Variants in CFAP251 observed in about 807,000 individuals in gnomAD.
CFAP251 encodes cilia- and flagella-associated protein 251.
In CFAP251, 93 loss-of-function variants were observed where a neutral mutation model predicts 126.7. The ratio of observed to expected loss-of-function variants is 0.73; its 90% confidence interval spans 0.62 to 0.87. CFAP251 has a LOEUF of 0.87. Among genes scored for constraint, CFAP251 ranks in the 40% least tolerant of loss-of-function variants. CFAP251 has a pLI of 0.00. For missense variants in CFAP251, 1,287 were observed against 1,389.2 expected (o/e 0.93, Z 1.17); for synonymous variants, 503 against 506.9 (o/e 0.99, Z 0.10).
At chr12:121,939,891 GTTA>G (rs1425614594) in intron 5 of CFAP251, among the ~76,000 whole-genome samples, 1 of 152,066 alleles carries the variant, frequency 6.6e-6, no homozygotes, top group East Asian at 1.9e-4. Flanking sequence ...TACAAATTTG[GTTA>G]TTAACTCCTT....
intron 7 of CFAP251, among the ~76,000 whole-genome samples, chr12:121,945,519 A>G (rs1421556974): frequency 1.4e-5 from 2 of 144,034 alleles, no homozygotes; most frequent in Non-Finnish European, 3.0e-5. Context: ...AATTTTTTGT[A>G]TTTTTAGTAC....
intron 15 of CFAP251, among the ~76,000 whole-genome samples, chr12:121,966,388 G>A (rs1181881114): frequency 7.0e-6 from 1 of 142,196 alleles, no homozygotes; most frequent in Admixed American, 7.3e-5. Flanking sequence ...AGCCTCCTGA[G>A]TAGCTGGGAC....
chr12:122,001,635 G>C (rs1300915024), intron 21 of CFAP251, 37 bp downstream of exon 21: 1 of 1,537,178 alleles, frequency 6.5e-7, no homozygotes, highest in African/African-American at 1.4e-5. Context: ...TGTAGCTGTG[G>C]CTCACTGATT....
Position 121,958,313 on chromosome 12 carries a change from TAAC to T in CFAP251, c.1777_1779del (p.Thr593del), listed in dbSNP as rs1881800053. ...ACATCTGATGCCGCGGTGTACCACT[TAAC>T]AACAGATGGGACCAAACTTGAGAAG... On this transcript the variant is annotated inframe_deletion, in exon 12 of 22. Transcript: ENST00000288912. 6.2e-7 allele frequency: 1 copy of T among 1,614,158 alleles called. No homozygotes were observed. The highest frequency in any genetic ancestry group is 1.3e-5 in the African/African-American group (1 of 75,034).
intron 19 of CFAP251, among the ~76,000 whole-genome samples, chr12:121,981,328 G>C (rs1311240240): frequency 6.6e-6 from 1 of 151,790 alleles, no homozygotes; most frequent in East Asian, 1.9e-4. Context: ...AAAAAAAATA[G>C]CTGTAGTGGC....
intron 3 of CFAP251, among the ~76,000 whole-genome samples, chr12:121,930,047 C>A (rs551275841): frequency 6.6e-6 from 1 of 152,166 alleles, no homozygotes; most frequent in Non-Finnish European, 1.5e-5. Context: ...ATGTAATATG[C>A]AGTCTTTTCA....
intron 20 of CFAP251, 118 bp from the exon 21 acceptor site, chr12:122,001,379 A>G (rs1447352148): frequency 3.8e-6 from 4 of 1,040,472 alleles, no homozygotes; most frequent in African/African-American, 1.6e-5. Flanking sequence ...CAATTGAGTA[A>G]AAGAAAAAAA....
intron 10 of CFAP251, among the ~76,000 whole-genome samples, chr12:121,954,742 T>C (rs1422459521): frequency 6.8e-6 from 1 of 148,106 alleles, no homozygotes; most frequent in African/African-American, 2.5e-5. Flanking sequence ...ACTGGGAACA[T>C]TGGTTGCCTC....
intron 8 of CFAP251, 26 bp from the exon 9 acceptor site, chr12:121,951,454 T>C: frequency 6.7e-7 from 1 of 1,487,498 alleles, no homozygotes; most frequent in Non-Finnish European, 9.2e-7. Context: ...TCTTTTTGAG[T>C]AGTGATTATT....
rs531443529 is a variant in CFAP251, at chr12:121,969,883, G to A, written c.2771+1714G>A. 1.3e-4 allele frequency: 132 copies of A among 985,396 alleles called. No homozygotes were observed. In the African/African-American group the frequency reaches 1.6e-3, roughly 12 times the overall value. 61.0% of individuals were successfully genotyped at this position (985,396 alleles called of 1,614,324 possible). On this transcript the variant is annotated intron_variant, in intron 17 of 21. Transcript: ENST00000288912. ...AGGCCTCTGCTTTCCAATAGCTTTC[G>A]CCTGGCCAGAGTCCAGGCTTCTGAG...
rs770113397 is a variant in CFAP251, at chr12:121,959,101, A to G, written c.2133+7A>G. 3 of 1,577,612 alleles carry G rather than the reference A, an allele frequency of 1.9e-6. No individual in the cohort carries two copies. The African/African-American group carries it at 4.1e-5, about 22-fold the overall frequency. On this transcript the variant is annotated splice_region_variant and intron_variant, in intron 13 of 21. Coordinates refer to ENST00000288912, the MANE Select transcript of CFAP251 (RefSeq NM_144668.6). ...CCAGTATATGGCAACTGCTGTAAGT[A>G]TTTTCATGGACAACCCATCCAGTGG...
intron 17 of CFAP251, chr12:121,971,998 C>G (rs140794199): frequency 6.7e-4 from 162 of 240,030 alleles, no homozygotes; most frequent in South Asian, 1.7e-3. Flanking sequence ...ACGTGCCTTT[C>G]ACCTTCCGCC....
intron 20 of CFAP251, among the ~76,000 whole-genome samples, chr12:122,000,397 C>CA (rs779415905): frequency 1.3e-4 from 20 of 151,542 alleles, no homozygotes; most frequent in Admixed American, 7.2e-4. Context: ...ACTAAAAATA[C>CA]AAAAATTAGC....
Position 121,954,294 on chromosome 12 carries a change from T to A in CFAP251, c.1495T>A (p.Leu499Met). The A allele has an allele frequency of 1.9e-6, 3 of 1,614,160 alleles. 1 individual carries two copies. The South Asian group carries it at 3.3e-5, about 18-fold the overall frequency. Residue 499 changes from leucine to methionine, a missense_variant, in exon 10 of 22, where the codon TTG (leucine) becomes ATG (methionine). Physicochemically the swap from Leu to Met is conservative, Grantham distance 15. Transcript: ENST00000288912. Reference protein sequence around the residue: ...PYIKPCKLVHLQKEGITVLTT... With the variant: ...PYIKPCKLVHMQKEGITVLTT... The stretch of plus-strand genomic sequence containing the variant: ...TATCAAGCCTTGTAAATTGGTTCAT[T>A]TGCAGAAAGAGGGTATCACGGTACT...
intron 21 of CFAP251, 65 bp downstream of exon 21, chr12:122,001,663 C>T (rs1883155156): frequency 7.9e-7 from 1 of 1,273,252 alleles, no homozygotes; most frequent in Non-Finnish European, 1.1e-6. Context: ...GACTTCAGTA[C>T]ATTTATTTCT....
chr12:121,977,678 G>A (rs376173471), intron 19 of CFAP251, among the ~76,000 whole-genome samples: 1 of 147,218 alleles, frequency 6.8e-6, no homozygotes, highest in Non-Finnish European at 1.5e-5. Context: ...AAAACTGGCC[G>A]GGTGTGGTGG....
intron 3 of CFAP251, among the ~76,000 whole-genome samples, chr12:121,925,621 T>C (rs1449026013): frequency 6.6e-6 from 1 of 152,140 alleles, no homozygotes; most frequent in Non-Finnish European, 1.5e-5. Context: ...TAATTGAGCT[T>C]TAGGGCTCAC....
intron 3 of CFAP251, among the ~76,000 whole-genome samples, chr12:121,931,072 C>T (rs967551562): frequency 1.5e-4 from 23 of 151,896 alleles, no homozygotes; most frequent in African/African-American, 5.1e-4. Context: ...TATAAAGTTA[C>T]GTAATGACTT....
At chr12:121,979,134 C>T (rs1472659810) in intron 19 of CFAP251, among the ~76,000 whole-genome samples, 1 of 152,122 alleles carries the variant, frequency 6.6e-6, no homozygotes. Flanking sequence ...GTACACAAAA[C>T]TCATTTCTCG....
Sources: allele counts gnomAD v4.1 joint callset (sites outside exome capture counted in the v4.1 genomes callset), GRCh38; gene constraint gnomAD v4.1.1; transcripts MANE v1.5; gene names NCBI Gene and HGNC (gene_info 2026-07-23, HGNC 2026-07-21).